Variants in GLS2 observed in about 807,000 individuals in gnomAD.
GLS2 encodes glutaminase 2, also known as glutaminase liver isoform, mitochondrial.
GLS2 carries 52 observed loss-of-function variants against 79.0 expected under a neutral mutation model. The observed-to-expected ratio is 0.66, with a 90% CI of 0.53 to 0.83. GLS2 has a LOEUF of 0.83. Ranked by LOEUF, GLS2 falls within the 40% of genes least tolerant of loss-of-function variation. The pLI, the probability that GLS2 is intolerant of heterozygous loss-of-function variation, is 0.00. For missense variants in GLS2, 561 were observed against 764.8 expected (o/e 0.73, Z 3.14); for synonymous variants, 238 against 280.8 (o/e 0.85, Z 1.52).
chr12:56,473,701 A>G, intron 12 of GLS2, 107 bp from the exon 13 acceptor site: 1 of 1,367,334 alleles, frequency 7.3e-7, no homozygotes, highest in Non-Finnish European at 9.8e-7. Flanking sequence ...GCATGACCAC[A>G]ATCCACCTCA....
chr12:56,475,450 A>G, intron 9 of GLS2, 174 bp downstream of exon 9: 6 of 723,702 alleles, frequency 8.3e-6, no homozygotes, highest in South Asian at 7.6e-5. Context: ...GGAACAAATT[A>G]TTTTACAAGA....
In GLS2 at chr12:56,471,631, A is replaced by C; in HGVS notation, c.1665T>G (p.Ile555Met). 1 of 1,613,930 alleles carries C rather than the reference A, an allele frequency of 6.2e-7. No homozygotes were observed. Among genetic ancestry groups the C allele is most frequent in the Non-Finnish European group, 8.5e-7 (1 of 1,179,924 alleles). ...NPFAKDRWGNIPLDDAVQFNH... is the reference protein window; with the variant it reads ...NPFAKDRWGNMPLDDAVQFNH... ...TGAACTGCACAGCATCATCCAGGGGAATGTTGCCCCACCTGAGAGGAATAA... is the reference window on the plus strand; with the variant it reads ...TGAACTGCACAGCATCATCCAGGGGCATGTTGCCCCACCTGAGAGGAATAA... Residue 555 changes from isoleucine to methionine, a missense_variant, in exon 18 of 18, where the codon ATT (isoleucine) becomes ATG (methionine). Physicochemically the swap from Ile to Met is conservative, Grantham distance 10. Coordinates refer to ENST00000311966, the MANE Select transcript of GLS2 (RefSeq NM_013267.4).
intron 15 of GLS2, 133 bp downstream of exon 15, chr12:56,472,557 A>G (rs1000318992): frequency 3.8e-6 from 3 of 790,860 alleles, no homozygotes; most frequent in Non-Finnish European, 6.1e-6. Context: ...TTTTAAAAAA[A>G]TTTCATTTAA....
rs540278750 is a variant in GLS2 at position 56,488,059 on chromosome 12, T to C, written c.60A>G (p.Arg20=). 3.2e-6 allele frequency: 5 copies of C among 1,583,266 alleles called. No individual in the cohort carries two copies. In the South Asian group the frequency reaches 5.6e-5, roughly 18 times the overall value. ...TCCGGCTCGGGTGACCCCAGCCTCC[T>C]CGCCCGCAGTGACTGCCAGCCCGGC... ...ALSRAGSHCG[R]GGWGHPSRSP... The change falls in exon 1 of 18, where the codon CGA becomes CGG. Residue 20 remains arginine, a synonymous_variant. Coordinates refer to ENST00000311966, the MANE Select transcript of GLS2 (RefSeq NM_013267.4).
chr12:56,473,614 C>A lies in GLS2; in HGVS notation c.1225-20G>T. The A allele has an allele frequency of 1.3e-6, 2 of 1,598,938 alleles. No individual in the cohort carries two copies. The highest frequency in any genetic ancestry group is 1.7e-6 in the Non-Finnish European group (2 of 1,172,118). ...GCCCACCTGGGGAACAGAACTGAAGCTGAGGATAAAGTGGGTGTGCCCCAA... is the reference window on the plus strand; with the variant it reads ...GCCCACCTGGGGAACAGAACTGAAGATGAGGATAAAGTGGGTGTGCCCCAA... On this transcript the variant is annotated intron_variant, in intron 12 of 17. Coordinates refer to ENST00000311966, the MANE Select transcript of GLS2 (RefSeq NM_013267.4).
chr12:56,473,116 C>G, intron 14 of GLS2, 112 bp downstream of exon 14: 1 of 959,944 alleles, frequency 1.0e-6, no homozygotes, highest in South Asian at 1.5e-5. Context: ...GTCTTGATCT[C>G]CTGACCTTGT....
chr12:56,474,806 G>A (rs372835857), intron 11 of GLS2, 40 bp downstream of exon 11: 1 of 1,613,298 alleles, frequency 6.2e-7, no homozygotes, highest in African/African-American at 1.3e-5. Flanking sequence ...GGCAAGGACA[G>A]TCTGTCCTGT....
chr12:56,477,729 A>G lies in GLS2; in HGVS notation c.779-11T>C. The G allele has an allele frequency of 3.7e-6, 6 of 1,610,108 alleles. No individual in the cohort carries two copies. Among genetic ancestry groups the G allele is most frequent in the Non-Finnish European group, 5.1e-6 (6 of 1,178,060 alleles). On this transcript the variant is annotated splice_polypyrimidine_tract_variant and intron_variant, in intron 6 of 17. Coordinates refer to ENST00000311966, the MANE Select transcript of GLS2 (RefSeq NM_013267.4). ...GGTTATGGGGGATTCCTGGGGAAAT[A>G]CAAACCACCAAGAGTCTTAGCCACT...
Position 56,471,496 on chromosome 12 carries a change from G to A in GLS2, c.1800C>T (p.Ser600=). The A allele has an allele frequency of 6.2e-7, 1 of 1,613,072 alleles. No individual in the cohort carries two copies. Among genetic ancestry groups the A allele is most frequent in the South Asian group, 1.1e-5 (1 of 90,924 alleles). Residue 600 remains serine (S), a synonymous_variant, in exon 18 of 18, where the codon AGC becomes AGT. Coordinates refer to ENST00000311966, the MANE Select transcript of GLS2 (RefSeq NM_013267.4). The part of the protein sequence containing the change: ...AEALSKENLE[S]MV ...TGTCCATGACCTGTGCTCATACCAT[G>A]CTTTCTAAGTTCTCTTTGGACAGGG...
Position 56,475,989 on chromosome 12 carries a change from G to C in GLS2, c.838-12C>G. 1.2e-6 allele frequency: 2 copies of C among 1,611,880 alleles called. No individual in the cohort carries two copies. Among genetic ancestry groups the C allele is most frequent in the South Asian group, 2.2e-5 (2 of 91,044 alleles). On this transcript the variant is annotated splice_polypyrimidine_tract_variant and intron_variant, in intron 7 of 17. Transcript: ENST00000311966. Reference sequence around the variant, plus strand: ...TTGTTACAGTCCATCTGCAGAGAAAGAGAGAGATGTCAGCATTCTAAGTGT... The same window carrying C: ...TTGTTACAGTCCATCTGCAGAGAAACAGAGAGATGTCAGCATTCTAAGTGT...
In GLS2 at chr12:56,478,000, G is replaced by C. The variant is rs768560437; in HGVS notation, c.711C>G (p.Tyr237Ter). 3 of 1,614,232 alleles carry C rather than the reference G, an allele frequency of 1.9e-6. No individual in the cohort carries two copies. Among genetic ancestry groups the C allele is most frequent in the Non-Finnish European group, 2.5e-6 (3 of 1,180,038 alleles). ...AISISTLGTD[Y>*]VHKFVGKEPS... ...GCTCTTTGCCCACAAACTTGTGCAC[G>C]TAGTCAGTGCCTAGGGTGCTTATGG... The change falls in exon 6 of 18, where the codon TAC becomes TAG. Residue 237 changes from tyrosine to a stop codon, truncating the protein, a stop_gained. Coordinates refer to ENST00000311966, the MANE Select transcript of GLS2 (RefSeq NM_013267.4). LOFTEE classifies it high-confidence loss of function.
At chr12:56,473,784 A>G in intron 12 of GLS2, 190 bp from the exon 13 acceptor site, 1 of 658,834 alleles carries the variant, frequency 1.5e-6, no homozygotes, top group Middle Eastern at 4.3e-4. Context: ...TGATTCAGCT[A>G]GAAAATATTT....
chr12:56,474,492 CTCT>C (rs1869609100), intron 12 of GLS2, 49 bp downstream of exon 12: 1 of 1,605,700 alleles, frequency 6.2e-7, no homozygotes, highest in Non-Finnish European at 8.5e-7. Context: ...TCAGTGTTCT[CTCT>C]TCTTAGCACT....
At position 56,475,605 on chromosome 12, in the gene GLS2, C is replaced by T. The variant is rs1869738607; in HGVS notation, c.929+19G>A. Reference sequence around the variant, plus strand: ...ATACACCACAATGCTTTCAGTCAGTCCTCTGAGTAGGGACTTACGTGGCAT... The same window carrying T: ...ATACACCACAATGCTTTCAGTCAGTTCTCTGAGTAGGGACTTACGTGGCAT... On this transcript the variant is annotated intron_variant, in intron 9 of 17. Transcript: ENST00000311966. The T allele has an allele frequency of 6.2e-7, 1 of 1,613,548 alleles. No individual in the cohort carries two copies. The highest frequency in any genetic ancestry group is 1.7e-4 in the Middle Eastern group (1 of 6,060).
Position 56,473,783 on chromosome 12 carries a change from T to C in GLS2, c.1225-189A>G. ...CTTCCCTTAAATTCATTGATTCAGC[T>C]AGAAAATATTTTTTGAAATACTTAC... On this transcript the variant is annotated intron_variant, in intron 12 of 17. Coordinates refer to ENST00000311966, the MANE Select transcript of GLS2 (RefSeq NM_013267.4). 4.6e-6 allele frequency: 3 copies of C among 654,492 alleles called. No homozygotes were observed. In the South Asian group the frequency reaches 9.0e-5, roughly 20 times the overall value. The allele number at this position is 654,492 out of a possible 1,614,324, so 40.5% of individuals were successfully genotyped here. A position where few individuals can be genotyped will look rare whatever the true frequency, so the allele number is the denominator to read the frequency against.
intron 1 of GLS2, among the ~76,000 whole-genome samples, chr12:56,486,423 G>A (rs1037860007): frequency 2.6e-5 from 4 of 152,204 alleles, no homozygotes; most frequent in Admixed American, 2.6e-4. Flanking sequence ...TACCTGGGGG[G>A]AAGTTGGGGT....
At chr12:56,472,995 T>A in intron 14 of GLS2, 1 of 582,862 alleles carries the variant, frequency 1.7e-6, no homozygotes, top group Non-Finnish European at 3.0e-6. Flanking sequence ...TTTCAAGCGA[T>A]TCTCCTGCCT....
intron 8 of GLS2, 111 bp downstream of exon 8, chr12:56,475,834 T>C (rs1869757750): frequency 7.1e-7 from 1 of 1,407,852 alleles, no homozygotes; most frequent in South Asian, 1.2e-5. Flanking sequence ...ATAAGGCTTC[T>C]AGTATGGGCT....
chr12:56,479,279 T>C, intron 3 of GLS2, 98 bp from the exon 4 acceptor site: 1 of 1,485,022 alleles, frequency 6.7e-7, no homozygotes, highest in Non-Finnish European at 9.0e-7. Context: ...TTGAGTGGTC[T>C]TCAGGTTTGG....
Sources: allele counts gnomAD v4.1 joint callset (sites outside exome capture counted in the v4.1 genomes callset), GRCh38; gene constraint gnomAD v4.1.1; transcripts MANE v1.5; gene names NCBI Gene and HGNC (gene_info 2026-07-23, HGNC 2026-07-21).